Variants in CPAMD8 observed in about 807,000 individuals in gnomAD.
CPAMD8 encodes the protein C3 and PZP like alpha-2-macroglobulin domain containing 8, also known as C3 and PZP-like alpha-2-macroglobulin domain-containing protein 8.
Under a neutral mutation model 224.7 loss-of-function variants are expected in CPAMD8, and 146 were observed. That is an observed-to-expected ratio of 0.65 (90% confidence interval 0.57 to 0.75). The LOEUF is 0.75. Among genes scored for constraint, CPAMD8 ranks in the 30% least tolerant of loss-of-function variants. The probability of loss-of-function intolerance (pLI) is 0.00; values close to 1 mark genes in which losing one functional copy is unlikely to be tolerated. For missense variants in CPAMD8, 2,301 were observed against 2,537.5 expected (o/e 0.91, Z 2.00); for synonymous variants, 966 against 1,044.6 (o/e 0.92, Z 1.45).
In CPAMD8 at chr19:16,899,667, G is replaced by A. The variant is rs1443852967; in HGVS notation, c.4774-118C>T. 1.8e-5 allele frequency: 12 copies of A among 669,740 alleles called. No homozygotes were observed. The Admixed American group carries it at 1.8e-4, about 10-fold the overall frequency. The allele number at this position is 669,740 out of a possible 1,614,324, so 41.5% of individuals were successfully genotyped here. A position where few individuals can be genotyped will look rare whatever the true frequency, so the allele number is the denominator to read the frequency against. ...TGCCCACAAGTTACCATGGGCTGGG[G>A]TCTGGGTGCTGGTCAGTGCTCCCCA... On this transcript the variant is annotated intron_variant, in intron 36 of 41. Coordinates refer to ENST00000443236, the MANE Select transcript of CPAMD8 (RefSeq NM_015692.5). The surrounding 1 kb of genome is among the most constrained non-coding windows in gnomAD (Gnocchi z 5.4).
In CPAMD8 at chr19:16,914,414, C is replaced by G; in HGVS notation, c.3861+10G>C. ...AGCCCCGAGTCTCCCCAAACCCCTT[C>G]TGTACTCACCTCTGAGGCTGTGCCT... On this transcript the variant is annotated intron_variant, in intron 29 of 41. Transcript: ENST00000443236. 1 of 1,613,728 alleles carries G rather than the reference C, an allele frequency of 6.2e-7. No homozygotes were observed. The highest frequency in any genetic ancestry group is 8.5e-7 in the Non-Finnish European group (1 of 1,179,608).
At chr19:16,978,737 C>T (rs1402283555) in intron 14 of CPAMD8, among the ~76,000 whole-genome samples, 1 of 152,106 alleles carries the variant, frequency 6.6e-6, no homozygotes, top group African/African-American at 2.4e-5. Context: ...TCTTCTCTGT[C>T]TGTCTATCTA....
intron 23 of CPAMD8, among the ~76,000 whole-genome samples, chr19:16,932,952 T>C (rs1357328675): frequency 6.6e-6 from 1 of 152,174 alleles, no homozygotes; most frequent in Non-Finnish European, 1.5e-5. Context: ...TTCTTTTCCC[T>C]TTTTTCCAGT....
intron 3 of CPAMD8, among the ~76,000 whole-genome samples, chr19:17,014,193 A>G (rs1370643023): frequency 6.6e-6 from 1 of 152,176 alleles, no homozygotes; most frequent in African/African-American, 2.4e-5. Context: ...CCAGGACTGC[A>G]GGCATGCACC....
intron 9 of CPAMD8, 78 bp downstream of exon 9, chr19:17,002,188 C>T (rs1027716815): frequency 3.1e-5 from 30 of 964,688 alleles, no homozygotes; most frequent in African/African-American, 1.6e-4. Context: ...AGGAGGGGAA[C>T]GACCTTGAGG....
intron 19 of CPAMD8, among the ~76,000 whole-genome samples, 154 bp from the exon 20 acceptor site, chr19:16,952,354 G>GA (rs199653730): frequency 7.2e-5 from 11 of 152,236 alleles, no homozygotes; most frequent in Non-Finnish European, 1.0e-4. Flanking sequence ...GCGGCAACAG[G>GA]AAAAAAACTG....
chr19:17,015,779 C>T (rs8106270), intron 3 of CPAMD8, among the ~76,000 whole-genome samples: 101,634 of 152,024 alleles, frequency 0.67, 36,088 homozygotes, highest in African/African-American at 0.92. Flanking sequence ...AGGGAGATAC[C>T]GGAGGTGCTG....
At chr19:16,981,918 G>A (rs1274036447) in intron 13 of CPAMD8, among the ~76,000 whole-genome samples, 1 of 152,210 alleles carries the variant, frequency 6.6e-6, no homozygotes, top group African/African-American at 2.4e-5. Context: ...GATGATGTGT[G>A]TGTCATGCTC....
intron 11 of CPAMD8, among the ~76,000 whole-genome samples, chr19:16,993,874 A>C (rs1599866234): frequency 6.6e-6 from 1 of 152,182 alleles, no homozygotes; most frequent in African/African-American, 2.4e-5. Context: ...GCAGTGGCTC[A>C]CACCTATAAT....
At chr19:17,005,366 G>C (rs998608385) in intron 7 of CPAMD8, among the ~76,000 whole-genome samples, 2 of 152,092 alleles carry the variant, frequency 1.3e-5, no homozygotes, top group Non-Finnish European at 2.9e-5. Flanking sequence ...CCTGGGGGCA[G>C]AATCGCCTGT....
chr19:16,939,993 A>G (rs1230842866), intron 22 of CPAMD8, among the ~76,000 whole-genome samples: 1 of 147,832 alleles, frequency 6.8e-6, no homozygotes, highest in African/African-American at 2.5e-5. Flanking sequence ...GTTCACTACA[A>G]CCTCCGCCTC....
chr19:16,897,379 T>A, intron 39 of CPAMD8: 2 of 285,436 alleles, frequency 7.0e-6, no homozygotes, highest in East Asian at 9.1e-5. Flanking sequence ...CCTCAACCCA[T>A]TGCGCCCAGT....
intron 8 of CPAMD8, among the ~76,000 whole-genome samples, chr19:17,003,852 C>T (rs73499155): frequency 0.031 from 4,753 of 151,116 alleles, 236 homozygotes; most frequent in African/African-American, 0.11. Flanking sequence ...CCTCAGTAAA[C>T]GGGGACTCAT....
Position 16,914,694 on chromosome 19 carries a change from A to G in CPAMD8, c.3749T>C (p.Phe1250Ser). 6.2e-7 allele frequency: 1 copy of G among 1,614,140 alleles called. No individual in the cohort carries two copies. Among genetic ancestry groups the G allele is most frequent in the Non-Finnish European group, 8.5e-7 (1 of 1,180,008 alleles). Residue 1250 changes from phenylalanine to serine, a missense_variant, in exon 28 of 42, where the codon TTC (phenylalanine) becomes TCC (serine). This residue lies in a region of CPAMD8 where 1,709 missense variants were observed against 1,753.2 expected (regional missense o/e 0.97). Coordinates refer to ENST00000443236, the MANE Select transcript of CPAMD8 (RefSeq NM_015692.5). ...IIQQQQADGSFLAVGRVLNKD... is the reference protein window; with the variant it reads ...IIQQQQADGSSLAVGRVLNKD... The stretch of plus-strand genomic sequence containing the variant: ...GTTCAGGACCCTGCCCACGGCCAGG[A>G]AGGAGCCATCGGCCTGCTGCTGCTG...
At chr19:16,983,324 G>A (rs2055581679) in intron 13 of CPAMD8, among the ~76,000 whole-genome samples, 1 of 152,170 alleles carries the variant, frequency 6.6e-6, no homozygotes. Flanking sequence ...GCTTGAACCT[G>A]AGAGGCAGAG....
intron 13 of CPAMD8, among the ~76,000 whole-genome samples, chr19:16,986,314 G>C (rs536509638): frequency 6.6e-6 from 1 of 152,108 alleles, no homozygotes; most frequent in Non-Finnish European, 1.5e-5. Context: ...GGTAGGACGC[G>C]CTGGGGTTTC....
At position 16,975,215 on chromosome 19, in the gene CPAMD8, C is replaced by T. The variant is rs768003801; in HGVS notation, c.1952G>A (p.Gly651Asp). The change falls in exon 17 of 42, where the codon GGC becomes GAC. Residue 651 changes from glycine (G) to aspartate (D), a missense_variant. Gly to Asp is a moderately conservative substitution (Grantham distance 94, BLOSUM62 -1). This residue lies in a region of CPAMD8 where 1,709 missense variants were observed against 1,753.2 expected (regional missense o/e 0.97). Transcript: ENST00000443236. Reference sequence around the variant, plus strand: ...AAAAGGACCATCCTCCCTGGACACGCCAAAGGAATCAGAAACATCATAATC... The same window carrying T: ...AAAAGGACCATCCTCCCTGGACACGTCAAAGGAATCAGAAACATCATAATC... ...LEDYDVSDSF[G>D]VSREDGPFWW... is the part of the protein sequence containing the mutation. 3.1e-6 allele frequency: 5 copies of T among 1,609,852 alleles called. No homozygotes were observed. Among genetic ancestry groups the T allele is most frequent in the East Asian group, 2.2e-5 (1 of 44,814 alleles).
chr19:17,022,276 C>T (rs943823776), intron 1 of CPAMD8, 95 bp from the exon 2 acceptor site: 1 of 1,380,060 alleles, frequency 7.2e-7, no homozygotes, highest in African/African-American at 1.4e-5. Context: ...CAGCAGACTC[C>T]TGCCTTTTGC....
intron 12 of CPAMD8, among the ~76,000 whole-genome samples, chr19:16,992,124 C>G (rs904637461): frequency 8.5e-5 from 13 of 152,182 alleles, no homozygotes; most frequent in South Asian, 8.3e-4. Flanking sequence ...GACATCCTCT[C>G]CAGTCCCTCC....
Sources: allele counts gnomAD v4.1 joint callset (sites outside exome capture counted in the v4.1 genomes callset), GRCh38; gene constraint gnomAD v4.1.1; regional missense constraint gnomAD v4.1.1; non-coding constraint Gnocchi (gnomAD v3.1); transcripts MANE v1.5; gene names NCBI Gene and HGNC (gene_info 2026-07-23, HGNC 2026-07-21).